Variants in GFAP observed in about 807,000 individuals in gnomAD.
GFAP encodes the protein intermediate filament protein.
Under a neutral mutation model 49.3 loss-of-function variants are expected in GFAP, and 38 were observed. The ratio of observed to expected loss-of-function variants is 0.77; its 90% CI spans 0.60 to 1.01. The LOEUF (loss-of-function observed/expected upper bound fraction) is 1.01. GFAP is among the 50% of genes least tolerant of loss of function. GFAP has a pLI of 0.00. For synonymous variants in GFAP, 222 were observed against 236.4 expected, an observed-to-expected ratio of 0.94 and a Z score of 0.56; for missense variants, 463 against 579.1, an observed-to-expected ratio of 0.80 and a Z score of 2.06.
intron 7 of GFAP, chr17:44,910,217 T>C (rs1255713309): frequency 1.9e-6 from 3 of 1,613,860 alleles, no homozygotes; most frequent in Non-Finnish European, 2.5e-6. Flanking sequence ...TTTTGAGATA[T>C]CTTGTGACCT....
At chr17:44,910,079 G>A (rs1352965006) in intron 7 of GFAP, 3 of 1,612,602 alleles carry the variant, frequency 1.9e-6, no homozygotes, top group Admixed American at 1.7e-5. Flanking sequence ...AGGATGGGGT[G>A]GGTGAGGCTC....
At position 44,915,361 on chromosome 17, in the gene GFAP, C is replaced by T. The variant is rs1304504344; in HGVS notation, c.126G>A (p.Met42Ile). The part of the protein sequence containing the change: ...GPGTRLSLAR[M>I]PPPLPTRVDF... ...CCACCCGGGTCGGGAGTGGAGGGGG[C>T]ATTCGAGCCAGGGAGAGGCGGGTGC... The change falls in exon 1 of 9, where the codon ATG becomes ATA. Residue 42 changes from methionine (M) to isoleucine (I), a missense_variant. By Grantham distance (10) the Met-to-Ile change is conservative (BLOSUM62 1). Coordinates refer to ENST00000588735, the MANE Select transcript of GFAP (RefSeq NM_002055.5). The surrounding 1 kb of genome is among the most constrained non-coding windows in gnomAD (Gnocchi z 4.1). The T allele has an allele frequency of 1.9e-6, 3 of 1,610,688 alleles. No homozygotes were observed. Among genetic ancestry groups the T allele is most frequent in the Non-Finnish European group, 2.5e-6 (3 of 1,177,684 alleles).
rs1410811708 is a variant in GFAP at position 44,907,359 on chromosome 17, C to T, written c.1287G>A (p.Lys429=). The change falls in exon 9 of 9, where the codon AAG becomes AAA. Residue 429 remains lysine, a synonymous_variant. Transcript: ENST00000588735. ...GGTGGGTCCTGCCTCACATCACATC[C>T]TTGTGCTCCTGCTTGGACTCCTTAA... is the stretch of plus-strand genomic sequence containing the variant. ...EVIKESKQEH[K]DVM The T allele has an allele frequency of 5.6e-6, 9 of 1,613,924 alleles. No individual in the cohort carries two copies. The highest frequency in any genetic ancestry group is 2.2e-5 in the East Asian group (1 of 44,874).
rs757888405 is a variant in GFAP, at chr17:44,904,148, A to C, written c.*3199T>G. 1.3e-6 allele frequency: 2 copies of C among 1,550,356 alleles called. No individual in the cohort carries two copies. On this transcript the variant is annotated 3_prime_UTR_variant, in exon 9 of 9. Coordinates refer to ENST00000588735, the MANE Select transcript of GFAP (RefSeq NM_002055.5). Reference sequence around the variant, plus strand: ...CATGCTGACCCGCTTCAGCATCCGCATGTTCAGCTTGTTGGTTTTCAGGGC... The same window carrying C: ...CATGCTGACCCGCTTCAGCATCCGCCTGTTCAGCTTGTTGGTTTTCAGGGC...
intron 7 of GFAP, chr17:44,909,802 G>C: frequency 8.6e-7 from 1 of 1,157,504 alleles, no homozygotes; most frequent in Non-Finnish European, 1.1e-6. Flanking sequence ...ATAAAGCAGA[G>C]AGCCTGGCGT....
In GFAP at chr17:44,913,277, G is replaced by T; in HGVS notation, c.772C>A (p.Arg258Ser). Reference sequence around the variant, plus strand: ...CCCACAGGCAGGGCTACCTTGGAGCGGTACCACTCTTCGGCTTCATGCATG... The same window carrying T: ...CCCACAGGCAGGGCTACCTTGGAGCTGTACCACTCTTCGGCTTCATGCATG... Reference protein sequence around the residue: ...SNMHEAEEWYRSKFADLTDAA... With the variant: ...SNMHEAEEWYSSKFADLTDAA... The change falls in exon 4 of 9, where the codon CGC becomes AGC. Residue 258 changes from arginine to serine, a missense_variant. By Grantham distance (110) the Arg-to-Ser change is moderately radical. Around this residue, in one of 3 missense-constraint regions of GFAP, gnomAD observed 362 missense variants for 445.5 expected, o/e 0.81. Transcript: ENST00000588735. 1 of 1,614,102 alleles carries T rather than the reference G, an allele frequency of 6.2e-7. No individual in the cohort carries two copies. The highest frequency in any genetic ancestry group is 8.5e-7 in the Non-Finnish European group (1 of 1,179,994).
chr17:44,907,666 T>C, intron 8 of GFAP: 1 of 577,740 alleles, frequency 1.7e-6, no homozygotes, highest in Non-Finnish European at 3.1e-6. Flanking sequence ...AATCCCCTCT[T>C]CCCATTCCCC....
At position 44,903,584 on chromosome 17, in the gene GFAP, T is replaced by G; in HGVS notation, c.*3763A>C. 7.1e-7 allele frequency: 1 copy of G among 1,399,798 alleles called. No individual in the cohort carries two copies. The highest frequency in any genetic ancestry group is 9.2e-7 in the Non-Finnish European group (1 of 1,083,800). 86.7% of individuals were successfully genotyped at this position (1,399,798 alleles called of 1,614,324 possible). On this transcript the variant is annotated 3_prime_UTR_variant, in exon 9 of 9. Transcript: ENST00000588735. ...TCTAGAAAGGGGAGTAAAGGCCAGG[T>G]TCTAGAATGGCTTTCCCCCCCCACC...
Position 44,904,121 on chromosome 17 carries a change from G to T in GFAP, c.*3226C>A. ...GGCAGCCCAGGTACGTGTGGGCAGC[G>T]ACATGCTGACCCGCTTCAGCATCCG... On this transcript the variant is annotated 3_prime_UTR_variant, in exon 9 of 9. Transcript: ENST00000588735. 1 of 1,550,528 alleles carries T rather than the reference G, an allele frequency of 6.4e-7. No homozygotes were observed. The highest frequency in any genetic ancestry group is 1.2e-5 in the South Asian group (1 of 84,038).
rs765579731 is a variant in GFAP at position 44,910,240 on chromosome 17, C to T, written c.1171+375G>A. 40 of 1,613,832 alleles carry T rather than the reference C, an allele frequency of 2.5e-5. 1 individual carries two copies. Among genetic ancestry groups the T allele is most frequent in the African/African-American group, 1.6e-4 (12 of 74,902 alleles). The stretch of plus-strand genomic sequence containing the variant: ...TATCTTGTGACCTTGTGATTTTCCC[C>T]GTCTTTGGTGCTTTTGCCCCCTGTA... On this transcript the variant is annotated intron_variant, in intron 7 of 8. Transcript: ENST00000588735.
intron 7 of GFAP, chr17:44,909,698 A>C (rs773430629): frequency 1.0e-6 from 1 of 962,016 alleles, no homozygotes; most frequent in Non-Finnish European, 1.2e-6. Context: ...GGGAACATAA[A>C]ACTTTATTCA....
intron 6 of GFAP, 101 bp downstream of exon 6, chr17:44,911,135 T>A (rs1287712126): frequency 5.7e-6 from 6 of 1,051,962 alleles, no homozygotes; most frequent in Non-Finnish European, 7.4e-6. Flanking sequence ...GGAAGGGATC[T>A]GCACACAAGG....
chr17:44,905,559 T>C lies in GFAP; in HGVS notation c.*1788A>G. On this transcript the variant is annotated 3_prime_UTR_variant, in exon 9 of 9. Coordinates refer to ENST00000588735, the MANE Select transcript of GFAP (RefSeq NM_002055.5). ...GAGATGATCAGTAATAAGAAATGAG[T>C]TGGTCTTGTCAAAGGCTACATCTTG... 1 of 161,778 alleles carries C rather than the reference T, an allele frequency of 6.2e-6. No homozygotes were observed. Among genetic ancestry groups the C allele is most frequent in the Non-Finnish European group, 1.3e-5 (1 of 74,178 alleles). The allele number at this position is 161,778 out of a possible 1,614,324, so 10.0% of individuals were successfully genotyped here. A position where few individuals can be genotyped will look rare whatever the true frequency, so the allele number is the denominator to read the frequency against.
At chr17:44,913,685 G>T in intron 3 of GFAP, 43 bp downstream of exon 3, 1 of 1,396,976 alleles carries the variant, frequency 7.2e-7, no homozygotes, top group Non-Finnish European at 1.0e-6. Context: ...TCTCTCAGTT[G>T]CAATCTCTGT....
intron 8 of GFAP, chr17:44,907,697 G>C (rs1333846786): frequency 1.8e-6 from 1 of 558,354 alleles, no homozygotes; most frequent in Non-Finnish European, 3.2e-6. Context: ...CTTTTACCAA[G>C]CTGGAAATGG....
At position 44,911,666 on chromosome 17, in the gene GFAP, G is replaced by A. The variant is rs1279879602; in HGVS notation, c.906+6C>T. 6.8e-6 allele frequency: 11 copies of A among 1,611,820 alleles called. No individual in the cohort carries two copies. The Admixed American group carries it at 1.5e-4, about 22-fold the overall frequency. The stretch of plus-strand genomic sequence containing the variant: ...CCCGTCCCCGTCCTGCCCTGGCCGC[G>A]CTCACCGTGCCGCGCAGAGACTCCA... On this transcript the variant is annotated splice_donor_region_variant and intron_variant, in intron 5 of 8. Transcript: ENST00000588735.
In GFAP at chr17:44,904,658, C is replaced by A. The variant is rs573962108; in HGVS notation, c.*2689G>T. On this transcript the variant is annotated 3_prime_UTR_variant, in exon 9 of 9. Coordinates refer to ENST00000588735, the MANE Select transcript of GFAP (RefSeq NM_002055.5). ...GGTGCCCCAGGTGCCCATTCAGTTC[C>A]ACCAGCAGAGACTGGGCCATGGACT... 1 of 1,550,450 alleles carries A rather than the reference C, an allele frequency of 6.4e-7. No homozygotes were observed. The highest frequency in any genetic ancestry group is 8.7e-7 in the Non-Finnish European group (1 of 1,147,008).
rs1347845186 is a variant in GFAP at position 44,906,872 on chromosome 17, C to G, written c.*475G>C. ...AAGCCTCTGGCCAGGGCTACCTTGTCTGTGGGGCCTTCCCTTTCCTGTCTG... is the reference window on the plus strand; with the variant it reads ...AAGCCTCTGGCCAGGGCTACCTTGTGTGTGGGGCCTTCCCTTTCCTGTCTG... On this transcript the variant is annotated 3_prime_UTR_variant, in exon 9 of 9. Transcript: ENST00000588735. 1 of 236,532 alleles carries G rather than the reference C, an allele frequency of 4.2e-6. No individual in the cohort carries two copies. The highest frequency in any genetic ancestry group is 8.5e-6 in the Non-Finnish European group (1 of 117,372). The allele number at this position is 236,532 out of a possible 1,614,324, so 14.7% of individuals were successfully genotyped here.
chr17:44,911,194 G>T, intron 6 of GFAP, 42 bp downstream of exon 6: 1 of 1,551,030 alleles, frequency 6.4e-7, no homozygotes, highest in Non-Finnish European at 8.9e-7. Flanking sequence ...TCTACCGTGA[G>T]GCAGCAGGGA....
Sources: allele counts gnomAD v4.1 joint callset, GRCh38; gene constraint gnomAD v4.1.1; regional missense constraint gnomAD v4.1.1; non-coding constraint Gnocchi (gnomAD v3.1); transcripts MANE v1.5; gene names NCBI Gene and HGNC (gene_info 2026-07-23, HGNC 2026-07-21).